The following ZNF385C variants were observed in gnomAD, a reference collection of about 807,000 sequenced individuals.
ZNF385C encodes zinc finger protein 385C.
A neutral mutation model predicts 35.4 loss-of-function variants in ZNF385C; 28 were observed. The observed-to-expected ratio is 0.79, with a 90% CI of 0.59 to 1.08. ZNF385C has a LOEUF of 1.08. Among genes scored for constraint, ZNF385C ranks in the 50% least tolerant of loss-of-function variants. The pLI is 0.00. For missense variants in ZNF385C, 605 were observed against 595.6 expected (o/e 1.02, Z -0.16); for synonymous variants, 248 against 248.2 (o/e 1.00, Z 0.01).
chr17:42,047,563 A>G (rs1221921671), intron 2 of ZNF385C, among the ~76,000 whole-genome samples: 1 of 152,154 alleles, frequency 6.6e-6, no homozygotes, highest in Non-Finnish European at 1.5e-5. Context: ...AGGTGGGTAA[A>G]ACAAGGGCAG....
intron 1 of ZNF385C, among the ~76,000 whole-genome samples, chr17:42,073,487 G>A (rs1257527675): frequency 1.3e-5 from 2 of 152,102 alleles, no homozygotes; most frequent in African/African-American, 4.8e-5. Context: ...CACACAGGAA[G>A]TGGGCACCAA....
At chr17:42,092,954 G>A (rs1219853943) in intron 1 of ZNF385C, among the ~76,000 whole-genome samples, 2 of 152,148 alleles carry the variant, frequency 1.3e-5, no homozygotes, top group African/African-American at 4.8e-5. Flanking sequence ...CAGGGCAGGG[G>A]GCAAGGCCAA....
At chr17:42,082,459 C>A (rs1378586277) in intron 1 of ZNF385C, among the ~76,000 whole-genome samples, 1 of 152,264 alleles carries the variant, frequency 6.6e-6, no homozygotes, top group Non-Finnish European at 1.5e-5. Context: ...TCCTCTAGAT[C>A]CCTACTCCAC....
chr17:42,094,631 G>A (rs1162139274), intron 1 of ZNF385C, among the ~76,000 whole-genome samples: 1 of 152,186 alleles, frequency 6.6e-6, no homozygotes, highest in Non-Finnish European at 1.5e-5. Flanking sequence ...GCACACAGGA[G>A]GCGCAGGGCC....
At chr17:42,038,283 T>C (rs2052913448) in intron 2 of ZNF385C, 3 of 543,690 alleles carry the variant, frequency 5.5e-6, no homozygotes, top group Admixed American at 3.6e-5. Flanking sequence ...CCCAGGGGTA[T>C]TAGGAAAAGG....
chr17:42,052,893 G>A (rs2053309999), intron 2 of ZNF385C, among the ~76,000 whole-genome samples: 2 of 152,152 alleles, frequency 1.3e-5, no homozygotes, highest in South Asian at 4.1e-4. Context: ...AGACAATAGG[G>A]TCCTCCCAGA....
At chr17:42,060,748 C>G (rs1482317442) in intron 2 of ZNF385C, among the ~76,000 whole-genome samples, 1 of 152,098 alleles carries the variant, frequency 6.6e-6, no homozygotes, top group Non-Finnish European at 1.5e-5. Flanking sequence ...CAGGGTCTCC[C>G]TCTGTTGCCC....
rs1232647163 is a variant in ZNF385C at position 42,095,279 on chromosome 17, CGT to C, written c.-3+3129_-3+3130del. Among the ~76,000 whole-genome samples, 20 of 152,326 alleles carry C rather than the reference CGT, an allele frequency of 1.3e-4. No homozygotes were observed. Among genetic ancestry groups the C allele is most frequent in the African/African-American group, 4.8e-4 (20 of 41,564 alleles). ...GGCACTTGACTACAGTCAACACCAG[CGT>C]ACCATTCATTCCCGCTGGGGATGAC... On this transcript the variant is annotated intron_variant, in intron 1 of 8. Coordinates refer to ENST00000692273, the MANE Select transcript of ZNF385C (RefSeq NM_001392013.1). This position sits in a 1 kb window ranked among gnomAD's most constrained non-coding sequence, Gnocchi z 4.4.
At chr17:42,036,173 T>G (rs1021994998) in intron 3 of ZNF385C, among the ~76,000 whole-genome samples, 4 of 151,932 alleles carry the variant, frequency 2.6e-5, no homozygotes, top group Admixed American at 6.6e-5. Context: ...TTTTGTATTT[T>G]TAGTAGAGAT....
intron 8 of ZNF385C, 87 bp from the exon 9 acceptor site, chr17:42,027,220 C>A: frequency 1.6e-6 from 2 of 1,255,264 alleles, no homozygotes. Context: ...CTTTTTGCTG[C>A]AGGGAAAGCG....
intron 4 of ZNF385C, among the ~76,000 whole-genome samples, chr17:42,032,196 G>A (rs533830559): frequency 6.6e-6 from 1 of 152,140 alleles, no homozygotes; most frequent in South Asian, 2.1e-4. Context: ...GGGTAGCTGG[G>A]ACTACAGGCG....
At chr17:42,053,392 G>T (rs2053319631) in intron 2 of ZNF385C, among the ~76,000 whole-genome samples, 1 of 152,012 alleles carries the variant, frequency 6.6e-6, no homozygotes, top group South Asian at 2.1e-4. Context: ...CAGGGAGGAG[G>T]CACCCTGATT....
intron 2 of ZNF385C, chr17:42,039,982 G>A: frequency 8.1e-7 from 1 of 1,231,032 alleles, no homozygotes; most frequent in Non-Finnish European, 1.0e-6. Flanking sequence ...GTGCGCGCAC[G>A]CCAGCTGGGT....
intron 1 of ZNF385C, among the ~76,000 whole-genome samples, chr17:42,096,079 C>T (rs1239824129): frequency 6.6e-6 from 1 of 152,148 alleles, no homozygotes; most frequent in Non-Finnish European, 1.5e-5. Flanking sequence ...GAGACAGCTC[C>T]ACTCGCACCC....
intron 1 of ZNF385C, among the ~76,000 whole-genome samples, chr17:42,067,893 G>T (rs1169762578): frequency 1.3e-5 from 2 of 152,194 alleles, no homozygotes; most frequent in Non-Finnish European, 2.9e-5. Flanking sequence ...ATGGGGACAG[G>T]GGTATTTTGA....
intron 3 of ZNF385C, 133 bp from the exon 4 acceptor site, chr17:42,034,468 T>C (rs1053845147): frequency 1.0e-4 from 65 of 639,624 alleles, no homozygotes; most frequent in Non-Finnish European, 1.6e-4. Context: ...AACTTTTCCA[T>C]CCTGTGGATG....
chr17:42,050,168 C>T lies in ZNF385C; in HGVS notation c.251-12283G>A, dbSNP rs1477960586. On this transcript the variant is annotated intron_variant, in intron 2 of 8. Coordinates refer to ENST00000692273, the MANE Select transcript of ZNF385C (RefSeq NM_001392013.1). This position sits in a 1 kb window ranked among gnomAD's most constrained non-coding sequence, Gnocchi z 5.6. Reference sequence around the variant, plus strand: ...CACACCCTGACCAGCCGGATGGGAGCAGGAACAACTTGACAAGGACCCCAA... The same window carrying T: ...CACACCCTGACCAGCCGGATGGGAGTAGGAACAACTTGACAAGGACCCCAA... 6.9e-6 allele frequency among the ~76,000 whole-genome samples: 1 copy of T among 144,134 alleles called. No homozygotes were observed. The highest frequency in any genetic ancestry group is 2.4e-5 in the African/African-American group (1 of 41,240). 94.6% of individuals were successfully genotyped at this position (144,134 alleles called of 152,430 possible).
intron 1 of ZNF385C, among the ~76,000 whole-genome samples, chr17:42,093,172 C>G (rs1313893955): frequency 6.8e-6 from 1 of 146,982 alleles, no homozygotes; most frequent in South Asian, 2.3e-4. Context: ...GCCCCTCGGC[C>G]TGGGGCAGTT....
intron 1 of ZNF385C, among the ~76,000 whole-genome samples, chr17:42,067,579 C>T (rs1408475400): frequency 1.3e-5 from 2 of 152,178 alleles, no homozygotes; most frequent in African/African-American, 4.8e-5. Flanking sequence ...TGGAGCCACA[C>T]CACGGGTCCA....
Sources: allele counts gnomAD v4.1 joint callset (sites outside exome capture counted in the v4.1 genomes callset), GRCh38; gene constraint gnomAD v4.1.1; non-coding constraint Gnocchi (gnomAD v3.1); transcripts MANE v1.5; gene names NCBI Gene and HGNC (gene_info 2026-07-23, HGNC 2026-07-21).